Variants in ZDHHC20 observed in about 807,000 individuals in gnomAD.
ZDHHC20 encodes the protein zDHHC palmitoyltransferase 20.
A neutral mutation model predicts 57.8 loss-of-function variants in ZDHHC20; 43 were observed. The observed-to-expected ratio is 0.74, with a 90% CI of 0.58 to 0.96. The LOEUF (loss-of-function observed/expected upper bound fraction) is 0.96. Among genes scored for constraint, ZDHHC20 ranks in the 40% least tolerant of loss-of-function variants. The probability of loss-of-function intolerance (pLI) is 0.00; values close to 1 mark genes in which losing one functional copy is unlikely to be tolerated. For missense variants in ZDHHC20, 391 were observed against 441.1 expected (o/e 0.89, Z 1.02); for synonymous variants, 157 against 153.0 (o/e 1.03, Z -0.19).
At chr13:21,409,874 C>G (rs1878973465) in intron 4 of ZDHHC20, among the ~76,000 whole-genome samples, 1 of 152,158 alleles carries the variant, frequency 6.6e-6, no homozygotes, top group Non-Finnish European at 1.5e-5. Flanking sequence ...CCTTCTGAAG[C>G]CTACTTCTGT....
At chr13:21,411,674 G>A (rs1879236856) in intron 4 of ZDHHC20, among the ~76,000 whole-genome samples, 1 of 152,216 alleles carries the variant, frequency 6.6e-6, no homozygotes, top group Non-Finnish European at 1.5e-5. Context: ...CTTGATGACT[G>A]AGCAGAATGA....
chr13:21,377,983 AATTTTGGTC>A, intron 12 of ZDHHC20: 1 of 152,192 alleles, frequency 6.6e-6, no homozygotes, highest in East Asian at 1.9e-4. Context: ...TAGAGCCTTT[AATTTTGGTC>A]ATTTTTCTCT....
intron 7 of ZDHHC20, among the ~76,000 whole-genome samples, chr13:21,395,941 T>G (rs766761364): frequency 1.6e-4 from 24 of 152,122 alleles, no homozygotes; most frequent in Non-Finnish European, 2.8e-4. Context: ...ATACATAAAC[T>G]AAACAATCCA....
intron 7 of ZDHHC20, among the ~76,000 whole-genome samples, chr13:21,398,265 C>T (rs1001240489): frequency 2.0e-5 from 3 of 151,964 alleles, no homozygotes; most frequent in Non-Finnish European, 2.9e-5. Flanking sequence ...GAGATCGAGA[C>T]CATCCTGGCT....
chr13:21,428,174 ACGAGGCTATT>A (rs771868895), intron 1 of ZDHHC20, among the ~76,000 whole-genome samples: 4 of 152,102 alleles, frequency 2.6e-5, no homozygotes, highest in Non-Finnish European at 4.4e-5. Context: ...TCTCAGTGAG[ACGAGGCTATT>A]CCTTTTTATG....
chr13:21,411,330 GTATGT>G (rs1879192289), intron 4 of ZDHHC20, among the ~76,000 whole-genome samples: 2 of 152,198 alleles, frequency 1.3e-5, no homozygotes, highest in Non-Finnish European at 2.9e-5. Flanking sequence ...GATTGACCGA[GTATGT>G]TATATTTTAT....
intron 10 of ZDHHC20, chr13:21,381,867 G>A (rs967126271): frequency 5.3e-6 from 3 of 568,530 alleles, no homozygotes; most frequent in Non-Finnish European, 1.0e-5. Context: ...GGACAGGTGA[G>A]GATCTATATC....
At chr13:21,413,940 T>C (rs1356664002) in intron 3 of ZDHHC20, among the ~76,000 whole-genome samples, 168 bp from the exon 4 acceptor site, 3 of 152,168 alleles carry the variant, frequency 2.0e-5, no homozygotes, top group South Asian at 2.1e-4. Flanking sequence ...AAAAACTGTA[T>C]ACCTTTGGCA....
At chr13:21,424,169 A>G (rs543132927) in intron 2 of ZDHHC20, among the ~76,000 whole-genome samples, 2 of 152,324 alleles carry the variant, frequency 1.3e-5, no homozygotes, top group South Asian at 2.1e-4. Context: ...GTAACAGAAA[A>G]CAATGCTTTT....
At chr13:21,404,588 T>TA (rs35846081) in intron 4 of ZDHHC20, among the ~76,000 whole-genome samples, 4 of 151,850 alleles carry the variant, frequency 2.6e-5, no homozygotes, top group African/African-American at 7.2e-5. Context: ...CCGTCTCTAC[T>TA]AAAAAAATAC....
intron 7 of ZDHHC20, among the ~76,000 whole-genome samples, chr13:21,394,367 C>T (rs965606912): frequency 1.3e-5 from 2 of 152,168 alleles, no homozygotes; most frequent in African/African-American, 4.8e-5. Context: ...CCTGACTGTG[C>T]TATTCAATAT....
At chr13:21,448,444 C>T (rs1203023999) in intron 1 of ZDHHC20, among the ~76,000 whole-genome samples, 2 of 105,604 alleles carry the variant, frequency 1.9e-5, no homozygotes, top group East Asian at 2.6e-4. Flanking sequence ...CCCGGCCAGC[C>T]GCCCCGTCCG....
intron 8 of ZDHHC20, 138 bp downstream of exon 8, chr13:21,391,584 T>A (rs1455022725): frequency 1.8e-6 from 1 of 567,340 alleles, no homozygotes; most frequent in African/African-American, 2.0e-5. Flanking sequence ...GTAGCTGGGA[T>A]TATTAGGCAC....
At chr13:21,420,212 G>A (rs1441009271) in intron 3 of ZDHHC20, among the ~76,000 whole-genome samples, 2 of 152,178 alleles carry the variant, frequency 1.3e-5, no homozygotes, top group African/African-American at 4.8e-5. Flanking sequence ...GCTTGAACCT[G>A]GGAGGCGGAG....
At position 21,375,926 on chromosome 13, in the gene ZDHHC20, G is replaced by A. The variant is rs952566674; in HGVS notation, c.*770C>T. ...TCTGCCCATGTACATACCCCTGAAA[G>A]TTCAACAAAAAAAGCTATAAAATAG... On this transcript the variant is annotated 3_prime_UTR_variant, in exon 13 of 13. Coordinates refer to ENST00000400590, the MANE Select transcript of ZDHHC20 (RefSeq NM_001330059.2). 2 of 152,096 alleles carry A rather than the reference G, an allele frequency of 1.3e-5. No homozygotes were observed. Among genetic ancestry groups the A allele is most frequent in the African/African-American group, 4.8e-5 (2 of 41,492 alleles). 9.4% of individuals were successfully genotyped at this position (152,096 alleles called of 1,614,324 possible).
At chr13:21,379,853 C>T (rs1246813133) in intron 11 of ZDHHC20, among the ~76,000 whole-genome samples, 9 of 135,084 alleles carry the variant, frequency 6.7e-5, no homozygotes, top group African/African-American at 2.3e-4. Flanking sequence ...ATCTCGCTGT[C>T]GCCCAGGCTG....
chr13:21,410,275 C>T (rs1879026721), intron 4 of ZDHHC20, among the ~76,000 whole-genome samples: 1 of 152,330 alleles, frequency 6.6e-6, no homozygotes, highest in East Asian at 1.9e-4. Flanking sequence ...CCCAGAGGGG[C>T]ACCCTCTAGA....
chr13:21,457,068 A>C (rs2138084619), intron 1 of ZDHHC20, among the ~76,000 whole-genome samples: 1 of 152,218 alleles, frequency 6.6e-6, no homozygotes, highest in East Asian at 1.9e-4. Context: ...GGAGAGGGTG[A>C]ATGAAATGTC....
At chr13:21,391,640 T>C in intron 8 of ZDHHC20, 82 bp downstream of exon 8, 1 of 1,434,128 alleles carries the variant, frequency 7.0e-7, no homozygotes, top group East Asian at 2.3e-5. Context: ...TTCTGTATCA[T>C]CTGACCCTTG....
Sources: gnomAD v4.1 joint callset for allele counts (sites outside exome capture counted in the v4.1 genomes callset) on GRCh38, gnomAD v4.1.1 for gene constraint, MANE v1.5 for transcripts, NCBI Gene and HGNC (gene_info 2026-07-23, HGNC 2026-07-21) for gene names.